Variants in PEDS1 observed in about 807,000 individuals in gnomAD.
PEDS1 encodes plasmanylethanolamine desaturase 1.
Under a neutral mutation model 35.2 loss-of-function variants are expected in PEDS1, and 14 were observed. The observed-to-expected ratio is 0.40, with a 90% CI of 0.26 to 0.62. The LOEUF is 0.62. Ranked by LOEUF, PEDS1 falls within the 20% of genes least tolerant of loss-of-function variation. The pLI is 0.44. For synonymous variants in PEDS1, 152 were observed against 152.0 expected (o/e 1.00, Z 0.00); for missense variants, 260 against 367.8 (o/e 0.71, Z 2.40).
At chr20:50,140,017 C>T (rs1156341883) in intron 2 of PEDS1, among the ~76,000 whole-genome samples, 8 of 152,268 alleles carry the variant, frequency 5.3e-5, no homozygotes, top group Admixed American at 4.6e-4. Context: ...AGCTCAACAG[C>T]GGCCATCTCA....
At chr20:50,125,303 C>G in intron 5 of PEDS1, 124 bp from the exon 6 acceptor site, 1 of 1,306,706 alleles carries the variant, frequency 7.7e-7, no homozygotes, top group Non-Finnish European at 1.0e-6. Flanking sequence ...GGATAGGACA[C>G]AGGGACCGGC....
rs563755792 is a variant in PEDS1, at chr20:50,143,716, G to C, written c.122-95C>G. On this transcript the variant is annotated intron_variant, in intron 1 of 5. Transcript: ENST00000371652. ...CTTTTCTTTTCTTTTTTTTTTTTCT[G>C]AGACAGAGTCTCACTCTATCACCCA... 6.7e-5 allele frequency: 100 copies of C among 1,493,606 alleles called. No homozygotes were observed. The East Asian group carries it at 2.3e-3, about 34-fold the overall frequency. 92.5% of individuals were successfully genotyped at this position (1,493,606 alleles called of 1,614,324 possible).
chr20:50,138,918 G>A (rs1347387508), intron 2 of PEDS1, among the ~76,000 whole-genome samples: 1 of 152,140 alleles, frequency 6.6e-6, no homozygotes, highest in Admixed American at 6.5e-5. Flanking sequence ...CGCTGGGCCC[G>A]TGCGGGCTTC....
chr20:50,136,532 G>A (rs1204092680), intron 2 of PEDS1, among the ~76,000 whole-genome samples: 1 of 151,958 alleles, frequency 6.6e-6, no homozygotes, highest in Non-Finnish European at 1.5e-5. Context: ...AGACCAGCAT[G>A]GCCAACATGG....
At chr20:50,150,375 T>TC (rs202224650) in intron 1 of PEDS1, among the ~76,000 whole-genome samples, 1,722 of 152,246 alleles carry the variant, frequency 0.011, 10 homozygotes, top group Non-Finnish European at 0.018. Context: ...TCCTCCATAT[T>TC]CCCTAAACAT....
chr20:50,130,313 T>G (rs952344609), intron 3 of PEDS1, among the ~76,000 whole-genome samples: 1 of 152,086 alleles, frequency 6.6e-6, no homozygotes, highest in Non-Finnish European at 1.5e-5. Context: ...TCTTGGGAGC[T>G]GGAAGGATGG....
At chr20:50,150,073 G>A (rs971447803) in intron 1 of PEDS1, among the ~76,000 whole-genome samples, 1 of 152,182 alleles carries the variant, frequency 6.6e-6, no homozygotes, top group Admixed American at 6.5e-5. Context: ...CCCCGATCAG[G>A]GTGAGCTTTA....
At chr20:50,147,754 T>A (rs908542081) in intron 1 of PEDS1, among the ~76,000 whole-genome samples, 5 of 152,144 alleles carry the variant, frequency 3.3e-5, no homozygotes, top group Non-Finnish European at 7.3e-5. Flanking sequence ...TTCTCATCCA[T>A]AAAGAATGCA....
chr20:50,125,077 C>T lies in PEDS1; in HGVS notation c.794G>A (p.Trp265Ter). The T allele has an allele frequency of 6.2e-7, 1 of 1,614,076 alleles. No homozygotes were observed. Among genetic ancestry groups the T allele is most frequent in the Non-Finnish European group, 8.5e-7 (1 of 1,179,962 alleles). ...GAGAAGTTATTTGATCTTCTGGGCC[C>T]ATTTCATGTCATCTGCCCGAGGCTT... ...GEKPRADDMK[W>*]AQKIK is the part of the protein sequence containing the mutation. The change falls in exon 6 of 6, where the codon TGG becomes TAG. Residue 265 changes from tryptophan (W) to a stop codon, truncating the protein, a stop_gained. Coordinates refer to ENST00000371652, the MANE Select transcript of PEDS1 (RefSeq NM_199129.4). LOFTEE classifies it high-confidence loss of function.
chr20:50,139,057 G>C (rs1298391871), intron 2 of PEDS1, among the ~76,000 whole-genome samples: 1 of 152,044 alleles, frequency 6.6e-6, no homozygotes. Context: ...CATGGGTTTC[G>C]GTCCTGGGTC....
Position 50,122,828 on chromosome 20 carries a change from G to A in PEDS1, c.*2230C>T, listed in dbSNP as rs1441549569. 6.6e-6 allele frequency: 1 copy of A among 152,034 alleles called. No homozygotes were observed. Among genetic ancestry groups the A allele is most frequent in the African/African-American group, 2.4e-5 (1 of 41,368 alleles). The allele number at this position is 152,034 out of a possible 1,614,324, so 9.4% of individuals were successfully genotyped here. On this transcript the variant is annotated 3_prime_UTR_variant, in exon 6 of 6. Transcript: ENST00000371652. ...TTGGTCTATAATGTCCTGACCCGGT[G>A]CAGTGGCTCATACCTAAAATTCCAG...
At chr20:50,131,527 C>T (rs1232069267) in intron 2 of PEDS1, among the ~76,000 whole-genome samples, 1 of 151,748 alleles carries the variant, frequency 6.6e-6, no homozygotes, top group Non-Finnish European at 1.5e-5. Flanking sequence ...GAAGCTGAGG[C>T]AGGAGAATCA....
At chr20:50,133,837 A>G (rs1234906880) in intron 2 of PEDS1, among the ~76,000 whole-genome samples, 1 of 152,224 alleles carries the variant, frequency 6.6e-6, no homozygotes, top group Non-Finnish European at 1.5e-5. Flanking sequence ...ATGAAGAAAG[A>G]GGCCTGGAGA....
chr20:50,137,600 C>T (rs377557490), intron 2 of PEDS1, among the ~76,000 whole-genome samples: 3 of 152,272 alleles, frequency 2.0e-5, no homozygotes, highest in South Asian at 2.1e-4. Context: ...CAGCCAGGCG[C>T]GGTGGCTCAC....
chr20:50,136,299 A>G (rs1164800099), intron 2 of PEDS1, among the ~76,000 whole-genome samples: 1 of 152,206 alleles, frequency 6.6e-6, no homozygotes, highest in African/African-American at 2.4e-5. Context: ...AGATGAGAAA[A>G]CAGTAGTTGG....
At chr20:50,138,749 T>C (rs1447024234) in intron 2 of PEDS1, among the ~76,000 whole-genome samples, 1 of 152,222 alleles carries the variant, frequency 6.6e-6, no homozygotes, top group African/African-American at 2.4e-5. Context: ...CAGAAGCCTC[T>C]TTGTCCCAGC....
chr20:50,136,802 C>T (rs2081240264), intron 2 of PEDS1, among the ~76,000 whole-genome samples: 1 of 151,214 alleles, frequency 6.6e-6, no homozygotes, highest in Non-Finnish European at 1.5e-5. Flanking sequence ...TTTGGGAGGC[C>T]ACGGTGGGAG....
chr20:50,143,940 G>A (rs546642380), intron 1 of PEDS1, among the ~76,000 whole-genome samples: 6 of 152,086 alleles, frequency 3.9e-5, no homozygotes, highest in East Asian at 1.9e-4. Flanking sequence ...CTTGTGATCC[G>A]CCCACCTTGG....
At chr20:50,143,447 T>G in intron 2 of PEDS1, 55 bp downstream of exon 2, 1 of 1,566,550 alleles carries the variant, frequency 6.4e-7, no homozygotes, top group Non-Finnish European at 8.7e-7. Flanking sequence ...AGTTACCCGG[T>G]GGGTCCCTGG....
Sources: allele counts gnomAD v4.1 joint callset (sites outside exome capture counted in the v4.1 genomes callset), GRCh38; gene constraint gnomAD v4.1.1; transcripts MANE v1.5; gene names NCBI Gene and HGNC (gene_info 2026-07-23, HGNC 2026-07-21).